The following UBE4A variants were observed in gnomAD, a reference collection of about 807,000 sequenced individuals.
The protein encoded by UBE4A is ubiquitin conjugation factor E4 A.
UBE4A carries 48 observed loss-of-function variants against 117.9 expected under a neutral mutation model. The ratio of observed to expected loss-of-function variants is 0.41; its 90% CI spans 0.32 to 0.52. UBE4A has a LOEUF of 0.52. UBE4A is among the 20% of genes least tolerant of loss of function. The pLI is 0.33. For missense variants in UBE4A, 1,067 were observed against 1,296.3 expected, an observed-to-expected ratio of 0.82 and a Z score of 2.72; for synonymous variants, 407 against 450.0, an observed-to-expected ratio of 0.90 and a Z score of 1.21.
chr11:118,371,340 TAATTTTCTAA>T (rs891199603), intron 4 of UBE4A, among the ~76,000 whole-genome samples, 164 bp from the exon 5 acceptor site: 5 of 152,320 alleles, frequency 3.3e-5, no homozygotes, highest in African/African-American at 1.2e-4. Context: ...ATATATGCCA[TAATTTTCTAA>T]AATTTTCTAA....
In UBE4A at chr11:118,392,724, T is replaced by C. The variant is rs782445070; in HGVS notation, c.2917-14T>C. On this transcript the variant is annotated splice_polypyrimidine_tract_variant and intron_variant, in intron 18 of 19. Transcript: ENST00000252108. ...CTGTGAATTCACTTTAACTACCAGA[T>C]GTTGTATACTCAGTCTCTTGCAGAC... The C allele has an allele frequency of 6.2e-7, 1 of 1,611,654 alleles. No homozygotes were observed. The highest frequency in any genetic ancestry group is 8.5e-7 in the Non-Finnish European group (1 of 1,178,894).
rs547621540 is a variant in UBE4A, at chr11:118,369,508, C to T, written c.381C>T (p.Asp127=). The part of the protein sequence containing the change: ...EEMAVELEDQ[D]WLDMSNVEQA... Reference sequence around the variant, plus strand: ...TGGCAGTAGAGCTAGAAGATCAAGACTGGCTTGATATGAGCAATGTTGAGC... The same window carrying T: ...TGGCAGTAGAGCTAGAAGATCAAGATTGGCTTGATATGAGCAATGTTGAGC... The change falls in exon 4 of 20, where the codon GAC becomes GAT. Residue 127 remains aspartate, a synonymous_variant. Transcript: ENST00000252108. 1.2e-6 allele frequency: 2 copies of T among 1,614,174 alleles called. No homozygotes were observed. Among genetic ancestry groups the T allele is most frequent in the Non-Finnish European group, 1.7e-6 (2 of 1,179,998 alleles).
Position 118,396,530 on chromosome 11 carries a change from TTTCTTCTTTTC to T in UBE4A, c.*93_*103del. On this transcript the variant is annotated 3_prime_UTR_variant, in exon 20 of 20. Transcript: ENST00000252108. ...TCTCTTTCTGGTTCTGTTCCTTTTC[TTTCTTCTTTTC>T]TTTTTCTTTTTTTTTTTTTTTTTTA... 1 of 1,451,946 alleles carries T rather than the reference TTTCTTCTTTTC, an allele frequency of 6.9e-7. No individual in the cohort carries two copies. The highest frequency in any genetic ancestry group is 1.4e-5 in the South Asian group (1 of 70,808). 89.9% of individuals were successfully genotyped at this position (1,451,946 alleles called of 1,614,324 possible).
chr11:118,373,399 G>A, intron 7 of UBE4A, 95 bp from the exon 8 acceptor site: 2 of 1,520,410 alleles, frequency 1.3e-6, no homozygotes, highest in Non-Finnish European at 1.8e-6. Context: ...AAGATAGCTT[G>A]GTTGTTGTAT....
intron 4 of UBE4A, among the ~76,000 whole-genome samples, chr11:118,371,154 C>A (rs1948605244): frequency 6.6e-6 from 1 of 152,174 alleles, no homozygotes; most frequent in Non-Finnish European, 1.5e-5. Flanking sequence ...TGCAGTTTAA[C>A]TTCACATTTG....
At chr11:118,386,791 T>TG (rs1948763402) in intron 16 of UBE4A, among the ~76,000 whole-genome samples, 179 bp downstream of exon 16, 1 of 152,178 alleles carries the variant, frequency 6.6e-6, no homozygotes, top group Non-Finnish European at 1.5e-5. Context: ...ATTGTTGACA[T>TG]GGAAGTGAGG....
intron 15 of UBE4A, 81 bp downstream of exon 15, chr11:118,385,026 C>A (rs1948743648): frequency 7.8e-7 from 1 of 1,278,644 alleles, no homozygotes; most frequent in South Asian, 1.3e-5. Flanking sequence ...ACCTTTTAAT[C>A]ATAATAGAGC....
Position 118,376,515 on chromosome 11 carries a change from G to A in UBE4A, c.1451-59G>A, listed in dbSNP as rs1485239662. ...CTAACAGTATGGAAATTGAATGAGTGTAAGAGGAGACTGGAGACCAAGACA... is the reference window on the plus strand; with the variant it reads ...CTAACAGTATGGAAATTGAATGAGTATAAGAGGAGACTGGAGACCAAGACA... On this transcript the variant is annotated intron_variant, in intron 9 of 19. Coordinates refer to ENST00000252108, the MANE Select transcript of UBE4A (RefSeq NM_001204077.2). 1.4e-5 allele frequency: 23 copies of A among 1,592,684 alleles called. No homozygotes were observed. The East Asian group carries it at 2.2e-4, about 15-fold the overall frequency.
intron 3 of UBE4A, 42 bp from the exon 4 acceptor site, chr11:118,369,381 G>A: frequency 9.6e-6 from 14 of 1,453,556 alleles, no homozygotes; most frequent in Non-Finnish European, 1.4e-5. Flanking sequence ...GTATAAAACA[G>A]AAGCATTATC....
intron 5 of UBE4A, 39 bp from the exon 6 acceptor site, chr11:118,372,468 G>A: frequency 1.9e-6 from 3 of 1,585,324 alleles, no homozygotes; most frequent in Non-Finnish European, 1.7e-6. Context: ...CCAGATTACA[G>A]AGTTAGACTA....
chr11:118,375,066 T>C lies in UBE4A; in HGVS notation c.1287T>C (p.Tyr429=). ...TGCCAGAAATCTTTTTCCAAATGTATGCCTCAGATGCTTTCTTTCTGAATC... is the reference window on the plus strand; with the variant it reads ...TGCCAGAAATCTTTTTCCAAATGTACGCCTCAGATGCTTTCTTTCTGAATC... The part of the protein sequence containing the change: ...NQMPEIFFQM[Y]ASDAFFLNLG... Residue 429 remains tyrosine, a synonymous_variant, in exon 9 of 20, where the codon TAT becomes TAC. Transcript: ENST00000252108. 2 of 1,614,238 alleles carry C rather than the reference T, an allele frequency of 1.2e-6. No homozygotes were observed. Among genetic ancestry groups the C allele is most frequent in the Non-Finnish European group, 1.7e-6 (2 of 1,180,042 alleles).
intron 9 of UBE4A, among the ~76,000 whole-genome samples, chr11:118,376,193 G>T (rs1334955374): frequency 6.6e-6 from 1 of 152,164 alleles, no homozygotes; most frequent in East Asian, 1.9e-4. Context: ...ATGACTCACA[G>T]TCCTACCATT....
chr11:118,384,556 G>A (rs1948737084), intron 13 of UBE4A, 79 bp from the exon 14 acceptor site: 1 of 1,337,704 alleles, frequency 7.5e-7, no homozygotes, highest in East Asian at 2.4e-5. Context: ...TGACTACAAA[G>A]CAAATGGCTA....
intron 18 of UBE4A, among the ~76,000 whole-genome samples, chr11:118,391,840 G>A (rs1439506976): frequency 7.3e-5 from 11 of 151,668 alleles, no homozygotes; most frequent in Admixed American, 5.3e-4. Context: ...TAGAAGAGAA[G>A]AATGTGCACA....
chr11:118,392,074 A>G (rs1948824367), intron 18 of UBE4A, among the ~76,000 whole-genome samples: 1 of 152,228 alleles, frequency 6.6e-6, no homozygotes, highest in Non-Finnish European at 1.5e-5. Flanking sequence ...ATTTAGCTAA[A>G]TCCCTTTGGT....
rs782378899 is a variant in UBE4A at position 118,396,471 on chromosome 11, C to A, written c.*31C>A. The A allele has an allele frequency of 1.2e-5, 20 of 1,601,034 alleles. No individual in the cohort carries two copies. In the South Asian group the frequency reaches 1.9e-4, roughly 15 times the overall value. ...GTGAACTAACCAAACCAAAACCAACCCCAGAGTGCAGATAAACAATTGTTT... is the reference window on the plus strand; with the variant it reads ...GTGAACTAACCAAACCAAAACCAACACCAGAGTGCAGATAAACAATTGTTT... On this transcript the variant is annotated 3_prime_UTR_variant, in exon 20 of 20. Coordinates refer to ENST00000252108, the MANE Select transcript of UBE4A (RefSeq NM_001204077.2).
In UBE4A at chr11:118,372,085, C is replaced by T. The variant is rs540025725; in HGVS notation, c.561+419C>T. Among the ~76,000 whole-genome samples, 9 of 152,232 alleles carry T rather than the reference C, an allele frequency of 5.9e-5. No individual in the cohort carries two copies. The South Asian group carries it at 1.2e-3, about 21-fold the overall frequency. On this transcript the variant is annotated intron_variant, in intron 5 of 19. Coordinates refer to ENST00000252108, the MANE Select transcript of UBE4A (RefSeq NM_001204077.2). ...GACCAGCCTGGCCAACATGGCAAAA[C>T]CTTTACTGAAAATACAAAAATTAGC...
At chr11:118,389,635 T>C (rs1232088853) in intron 16 of UBE4A, 90 bp from the exon 17 acceptor site, 3 of 1,160,574 alleles carry the variant, frequency 2.6e-6, no homozygotes, top group Non-Finnish European at 3.4e-6. Context: ...AAAATAACAG[T>C]AGTTCCCAGA....
In UBE4A at chr11:118,386,554, A is replaced by T. The variant is rs1555127278; in HGVS notation, c.2529A>T (p.Ala843=). ...GCCTACAGATGTTTGGACAGCTGGC[A>T]CGTTTCCATAACATCATGTCCAATG... ...EAGLQMFGQL[A]RFHNIMSNET... is the part of the protein sequence containing the mutation. Residue 843 remains alanine, a synonymous_variant, in exon 16 of 20, where the codon GCA becomes GCT. Transcript: ENST00000252108. 2.5e-6 allele frequency: 4 copies of T among 1,603,234 alleles called. No individual in the cohort carries two copies. In the South Asian group the frequency reaches 4.5e-5, roughly 18 times the overall value.
Sources: allele counts gnomAD v4.1 joint callset (sites outside exome capture counted in the v4.1 genomes callset), GRCh38; gene constraint gnomAD v4.1.1; transcripts MANE v1.5; gene names NCBI Gene and HGNC (gene_info 2026-07-23, HGNC 2026-07-21).